The following TOP2A variants were observed in gnomAD, a reference collection of about 807,000 sequenced individuals.
TOP2A encodes the protein DNA topoisomerase II alpha, also known as DNA topoisomerase 2-alpha.
Under a neutral mutation model 187.2 loss-of-function variants are expected in TOP2A, and 68 were observed. The observed-to-expected ratio is 0.36, with a 90% CI of 0.30 to 0.44. TOP2A has a LOEUF of 0.44. Among genes scored for constraint, TOP2A ranks in the 20% least tolerant of loss-of-function variants. TOP2A has a pLI of 1.00. For synonymous variants in TOP2A, 542 were observed against 593.2 expected, an observed-to-expected ratio of 0.91 and a Z score of 1.25; for missense variants, 1,196 against 1,808.7, an observed-to-expected ratio of 0.66 and a Z score of 6.14.
chr17:40,391,482 C>A (rs753662232), intron 33 of TOP2A, 24 bp downstream of exon 33: 6 of 1,597,886 alleles, frequency 3.8e-6, no homozygotes, highest in African/African-American at 1.3e-5. Context: ...GCAACATTAA[C>A]CCATCTCAAA....
rs542555111 is a variant in TOP2A at position 40,409,386 on chromosome 17, T to C, written c.1204-756A>G. 7.3e-4 allele frequency: 301 copies of C among 413,788 alleles called. 1 individual carries two copies. Among genetic ancestry groups the C allele is most frequent in the African/African-American group, 6.1e-3 (283 of 46,740 alleles). The allele number at this position is 413,788 out of a possible 1,614,324, so 25.6% of individuals were successfully genotyped here. A position where few individuals can be genotyped will look rare whatever the true frequency, so the allele number is the denominator to read the frequency against. ...GAGAAGCTGTCTCCAAAAAAAAAAA[T>C]TAAAAATAAATAAATAAAATTAGAC... is the stretch of plus-strand genomic sequence containing the variant. On this transcript the variant is annotated intron_variant, in intron 10 of 34. Transcript: ENST00000423485.
intron 10 of TOP2A, chr17:40,409,303 G>C: frequency 2.9e-6 from 1 of 345,880 alleles, no homozygotes; most frequent in South Asian, 2.2e-5. Context: ...TTTAACCTGG[G>C]AGGCGCGGGT....
Position 40,399,971 on chromosome 17 carries a change from T to C in TOP2A, c.3097A>G (p.Arg1033Gly). 1 of 1,613,560 alleles carries C rather than the reference T, an allele frequency of 6.2e-7. No homozygotes were observed. Among genetic ancestry groups the C allele is most frequent in the Non-Finnish European group, 8.5e-7 (1 of 1,179,722 alleles). The part of the protein sequence containing the change: ...FELRLKYYGL[R>G]KEWLLGMLGA... ...AGCATTCCTAGGAGCCATTCTTTTC[T>C]TAATCCATAATATTTAAGTCTGAGT... Residue 1033 changes from arginine to glycine, a missense_variant, in exon 24 of 35, where the codon AGA (arginine) becomes GGA (glycine). Arg to Gly is a moderately radical substitution (Grantham distance 125). This residue lies in a region of TOP2A where 232 missense variants were observed against 306.1 expected (regional missense o/e 0.76). Transcript: ENST00000423485.
chr17:40,407,352 GTCTGTTCAA>G (rs908488123), intron 13 of TOP2A, among the ~76,000 whole-genome samples, 188 bp downstream of exon 13: 10 of 152,094 alleles, frequency 6.6e-5, no homozygotes, highest in Non-Finnish European at 1.0e-4. Flanking sequence ...ATCAAAAAAG[GTCTGTTCAA>G]ATCCAGACTC....
At position 40,416,519 on chromosome 17, in the gene TOP2A, A is replaced by G. The variant is rs1364729921; in HGVS notation, c.178-7T>C. 6.3e-7 allele frequency: 1 copy of G among 1,582,140 alleles called. No homozygotes were observed. The highest frequency in any genetic ancestry group is 1.3e-5 in the African/African-American group (1 of 74,162). On this transcript the variant is annotated splice_region_variant and splice_polypyrimidine_tract_variant and intron_variant, in intron 2 of 34. Transcript: ENST00000423485. ...CATCGTAAACCCACATTTGCTAGAA[A>G]TAAGGCAAAGAAATACTGTTATTTT... is the stretch of plus-strand genomic sequence containing the variant.
At chr17:40,402,034 T>TA in intron 20 of TOP2A, among the ~76,000 whole-genome samples, 1 of 152,286 alleles carries the variant, frequency 6.6e-6, no homozygotes, top group East Asian at 1.9e-4. Flanking sequence ...GAAAAGATGA[T>TA]ATGTTACAAT....
chr17:40,417,896 TAGG>T, upstream of TOP2A: 1 of 1,512,018 alleles, frequency 6.6e-7, no homozygotes, highest in Non-Finnish European at 9.1e-7. Flanking sequence ...GCGCGTCGGT[TAGG>T]AGAGCTCCAC....
At chr17:40,391,954 AC>A in intron 32 of TOP2A, 113 bp downstream of exon 32, 1 of 1,175,388 alleles carries the variant, frequency 8.5e-7, no homozygotes, top group Non-Finnish European at 1.2e-6. Flanking sequence ...GTTAATAAGA[AC>A]TCAAATTTAT....
At chr17:40,390,819 T>C (rs929533274) in intron 33 of TOP2A, among the ~76,000 whole-genome samples, 26 of 151,650 alleles carry the variant, frequency 1.7e-4, no homozygotes, top group Middle Eastern at 6.3e-3. Flanking sequence ...GAGATGAGGT[T>C]TCACTATGTT....
rs1224631157 is a variant in TOP2A at position 40,389,043 on chromosome 17, A to G, written c.*476T>C. 1.4e-5 allele frequency: 3 copies of G among 217,122 alleles called. No homozygotes were observed. The highest frequency in any genetic ancestry group is 2.3e-5 in the African/African-American group (1 of 44,392). The allele number at this position is 217,122 out of a possible 1,614,324, so 13.4% of individuals were successfully genotyped here. On this transcript the variant is annotated 3_prime_UTR_variant, in exon 35 of 35. Coordinates refer to ENST00000423485, the MANE Select transcript of TOP2A (RefSeq NM_001067.4). ...CTGAGTGTAGTAGAGTATCTGTACT[A>G]GAACCATAAAGTTCTATCTGATGGT... is the stretch of plus-strand genomic sequence containing the variant.
intron 4 of TOP2A, among the ~76,000 whole-genome samples, chr17:40,415,213 C>T (rs1292411139): frequency 6.6e-6 from 1 of 151,924 alleles, no homozygotes; most frequent in Non-Finnish European, 1.5e-5. Context: ...CACCACTACA[C>T]CCGGCTAATT....
intron 1 of TOP2A, 117 bp from the exon 2 acceptor site, chr17:40,417,012 G>T: frequency 1.1e-6 from 1 of 908,226 alleles, no homozygotes; most frequent in Non-Finnish European, 1.6e-6. Context: ...TCTGTTAGTA[G>T]GCAGTGGTGG....
At chr17:40,414,550 G>T (rs903887860) in intron 4 of TOP2A, among the ~76,000 whole-genome samples, 1 of 151,896 alleles carries the variant, frequency 6.6e-6, no homozygotes, top group African/African-American at 2.4e-5. Flanking sequence ...ACTCAACAAA[G>T]TACATAAAAA....
Position 40,411,316 on chromosome 17 carries a change from C to G in TOP2A, c.1065+38G>C. ...TTTATTTATAGCCTTTCTCTTCTTCCTTGACTTTAGAAAAAGAAAACTGCC... is the reference window on the plus strand; with the variant it reads ...TTTATTTATAGCCTTTCTCTTCTTCGTTGACTTTAGAAAAAGAAAACTGCC... On this transcript the variant is annotated intron_variant, in intron 9 of 34. Transcript: ENST00000423485. The surrounding 1 kb of genome is among the most constrained non-coding windows in gnomAD (Gnocchi z 4.4). 6.2e-7 allele frequency: 1 copy of G among 1,612,510 alleles called. No individual in the cohort carries two copies. Among genetic ancestry groups the G allele is most frequent in the East Asian group, 2.2e-5 (1 of 44,824 alleles).
At position 40,396,421 on chromosome 17, in the gene TOP2A, A is replaced by G. The variant is rs1242876034; in HGVS notation, c.3582T>C (p.Pro1194=). The change falls in exon 28 of 35, where the codon CCT becomes CCC. Residue 1194 remains proline (P), a synonymous_variant. Coordinates refer to ENST00000423485, the MANE Select transcript of TOP2A (RefSeq NM_001067.4). ...TCCCCTTGGCCTTCCCCCCTTTCCC[A>G]GGAAGTCCGACTTGTTCATCTTGTT... is the stretch of plus-strand genomic sequence containing the variant. ...KEKQDEQVGL[P]GKGGKAKGKK... is the part of the protein sequence containing the mutation. 4 of 1,613,676 alleles carry G rather than the reference A, an allele frequency of 2.5e-6. No individual in the cohort carries two copies. Among genetic ancestry groups the G allele is most frequent in the Non-Finnish European group, 3.4e-6 (4 of 1,179,826 alleles).
intron 30 of TOP2A, 45 bp from the exon 31 acceptor site, chr17:40,392,386 A>G: frequency 2.6e-6 from 4 of 1,554,054 alleles, no homozygotes; most frequent in Non-Finnish European, 3.5e-6. Context: ...GGGTAGTAGG[A>G]GAAACAATTC....
rs908860338 is a variant in TOP2A at position 40,388,897 on chromosome 17, T to G, written c.*622A>C. The G allele has an allele frequency of 4.9e-6, 1 of 203,282 alleles. No individual in the cohort carries two copies. The highest frequency in any genetic ancestry group is 1.0e-5 in the Non-Finnish European group (1 of 98,918). 12.6% of individuals were successfully genotyped at this position (203,282 alleles called of 1,614,324 possible). On this transcript the variant is annotated 3_prime_UTR_variant, in exon 35 of 35. Transcript: ENST00000423485. ...ATAACTACTCTAATTTTCTTCATTCTATTGACTGTGTCAAGTTATAGACAC... is the reference window on the plus strand; with the variant it reads ...ATAACTACTCTAATTTTCTTCATTCGATTGACTGTGTCAAGTTATAGACAC...
intron 27 of TOP2A, among the ~76,000 whole-genome samples, chr17:40,397,978 A>C (rs771882252): frequency 2.9e-4 from 44 of 151,690 alleles, no homozygotes; most frequent in Non-Finnish European, 6.0e-4. Flanking sequence ...GGGTTTCTCC[A>C]TGTTGGTCAG....
In TOP2A at chr17:40,391,660, G is replaced by A; in HGVS notation, c.4133-20C>T. 6.4e-7 allele frequency: 1 copy of A among 1,556,048 alleles called. No homozygotes were observed. ...CAAGGTCTATTATTTCAAATGGAAA[G>A]GAAAATAGTACATTTAAGCAACACA... is the stretch of plus-strand genomic sequence containing the variant. On this transcript the variant is annotated intron_variant, in intron 32 of 34. Coordinates refer to ENST00000423485, the MANE Select transcript of TOP2A (RefSeq NM_001067.4).
Sources: gnomAD v4.1 joint callset for allele counts (sites outside exome capture counted in the v4.1 genomes callset) on GRCh38, gnomAD v4.1.1 for gene constraint, gnomAD v4.1.1 regional missense constraint, Gnocchi (gnomAD v3.1) non-coding constraint, MANE v1.5 for transcripts, NCBI Gene and HGNC (gene_info 2026-07-23, HGNC 2026-07-21) for gene names.